SUSD3: variants seen among roughly 807,000 people sequenced by gnomAD.
SUSD3 encodes sushi domain-containing protein 3.
A neutral mutation model predicts 20.6 loss-of-function variants in SUSD3; 18 were observed. The ratio of observed to expected loss-of-function variants is 0.87; its 90% CI spans 0.60 to 1.30. The LOEUF is 1.30. Ranked by LOEUF, SUSD3 falls within the 50% of genes most tolerant of loss-of-function variation. The probability of loss-of-function intolerance (pLI) is 0.00; values close to 1 mark genes in which losing one functional copy is unlikely to be tolerated. For missense variants in SUSD3, 306 were observed against 346.9 expected, an observed-to-expected ratio of 0.88 and a Z score of 0.94; for synonymous variants, 137 against 141.5, an observed-to-expected ratio of 0.97 and a Z score of 0.23.
chr9:93,080,755 G>T (rs909014112), intron 4 of SUSD3, among the ~76,000 whole-genome samples: 1 of 152,244 alleles, frequency 6.6e-6, no homozygotes, highest in East Asian at 1.9e-4. Flanking sequence ...AGCGTGCAAG[G>T]CTGATCCTGC....
chr9:93,064,689 G>C (rs12378370), intron 1 of SUSD3, among the ~76,000 whole-genome samples: 10,537 of 152,302 alleles, frequency 0.069, 456 homozygotes, highest in South Asian at 0.11. Context: ...GGGCGGGCAG[G>C]GGGAGGAGCT....
At chr9:93,072,760 A>T (rs1564189826) in intron 1 of SUSD3, among the ~76,000 whole-genome samples, 2 of 152,236 alleles carry the variant, frequency 1.3e-5, no homozygotes, top group Middle Eastern at 3.2e-3. Context: ...TTTGGTAAAC[A>T]TTTTAAAATT....
chr9:93,069,857 G>T (rs544433556), intron 1 of SUSD3, among the ~76,000 whole-genome samples: 1 of 151,366 alleles, frequency 6.6e-6, no homozygotes, highest in Non-Finnish European at 1.5e-5. Flanking sequence ...TTGGCTCACT[G>T]CAACCTCTGC....
At chr9:93,079,408 T>G in intron 3 of SUSD3, 63 bp from the exon 4 acceptor site, 1 of 1,580,814 alleles carries the variant, frequency 6.3e-7, no homozygotes, top group Non-Finnish European at 8.6e-7. Context: ...ATGGAGCCTG[T>G]TTCCACCACC....
Position 93,073,163 on chromosome 9 carries a change from G to A in SUSD3, c.89-2621G>A, listed in dbSNP as rs548110492. Among the ~76,000 whole-genome samples the A allele has an allele frequency of 2.1e-4, 32 of 152,228 alleles. No homozygotes were observed. The East Asian group carries it at 6.2e-3, about 29-fold the overall frequency. ...AGGGAGACAGGCACAGAGATGCTCA[G>A]GTGGCCCTTCACCACTGCTGCCTCC... is the stretch of plus-strand genomic sequence containing the variant. On this transcript the variant is annotated intron_variant, in intron 1 of 4. Transcript: ENST00000375472.
intron 1 of SUSD3, among the ~76,000 whole-genome samples, chr9:93,072,242 T>TG (rs1825938603): frequency 6.6e-6 from 1 of 151,958 alleles, no homozygotes. Context: ...CCCAAAGCGG[T>TG]GGGGCATGTC....
chr9:93,082,544 C>T (rs1017421981), intron 4 of SUSD3, among the ~76,000 whole-genome samples: 1 of 152,126 alleles, frequency 6.6e-6, no homozygotes, highest in Non-Finnish European at 1.5e-5. Flanking sequence ...GTCTCGATCT[C>T]CTCACCTCGT....
chr9:93,075,884 C>T lies in SUSD3; in HGVS notation c.189C>T (p.Ser63=). ...VGTVLMFRCP[S]NHQMVGSGLL... is the part of the protein sequence containing the mutation. ...CCGTGCTCATGTTCCGCTGCCCCTC[C>T]AACCACCAGATGGTGGGGTCTGGGC... Residue 63 remains serine (S), a synonymous_variant, in exon 2 of 5, where the codon TCC becomes TCT. Transcript: ENST00000375472. The T allele has an allele frequency of 6.2e-7, 1 of 1,614,086 alleles. No homozygotes were observed. Among genetic ancestry groups the T allele is most frequent in the Non-Finnish European group, 8.5e-7 (1 of 1,179,988 alleles).
chr9:93,075,801 C>T lies in SUSD3; in HGVS notation c.106C>T (p.Arg36Trp), dbSNP rs370695832. Residue 36 changes from arginine (R) to tryptophan (W), a missense_variant, in exon 2 of 5, where the codon CGG (arginine) becomes TGG (tryptophan). By Grantham distance (101) the Arg-to-Trp change is moderately radical (BLOSUM62 -3). Transcript: ENST00000375472. The part of the protein sequence containing the change: ...GNRTGTCAKL[R>W]LPPQATFQVL... Reference sequence around the variant, plus strand: ...CTCCCCAGGCACGTGCGCTAAGCTGCGGCTACCCCCGCAAGCAACCTTCCA... The same window carrying T: ...CTCCCCAGGCACGTGCGCTAAGCTGTGGCTACCCCCGCAAGCAACCTTCCA... The T allele has an allele frequency of 1.0e-5, 15 of 1,506,424 alleles. No homozygotes were observed. Among genetic ancestry groups the T allele is most frequent in the Admixed American group, 1.8e-5 (1 of 55,606 alleles). The allele number at this position is 1,506,424 out of a possible 1,614,324, so 93.3% of individuals were successfully genotyped here. A position where few individuals can be genotyped will look rare whatever the true frequency, so the allele number is the denominator to read the frequency against.
rs1207578707 is a variant in SUSD3 at position 93,084,962 on chromosome 9, G to GT, written c.*216dup. 1.2e-5 allele frequency: 5 copies of GT among 433,860 alleles called. No individual in the cohort carries two copies. The highest frequency in any genetic ancestry group is 2.0e-5 in the African/African-American group (1 of 48,976). 26.9% of individuals were successfully genotyped at this position (433,860 alleles called of 1,614,324 possible). A position where few individuals can be genotyped will look rare whatever the true frequency, so the allele number is the denominator to read the frequency against. On this transcript the variant is annotated 3_prime_UTR_variant, in exon 5 of 5. Transcript: ENST00000375472. ...TGTTCTGTTCCGGCATATCCTGGCC[G>GT]TAACGATTTTTATAGTTATGGACTA...
chr9:93,082,310 CTTTTTTT>C (rs561486543), intron 4 of SUSD3, among the ~76,000 whole-genome samples: 5 of 87,228 alleles, frequency 5.7e-5, no homozygotes, highest in Non-Finnish European at 7.9e-5. Context: ...GGCCTCTTTC[CTTTTTTT>C]TTTTTTTTTT....
Position 93,077,970 on chromosome 9 carries a change from G to C in SUSD3, c.402G>C (p.Lys134Asn). 1.9e-6 allele frequency: 3 copies of C among 1,614,224 alleles called. No individual in the cohort carries two copies. Among genetic ancestry groups the C allele is most frequent in the Non-Finnish European group, 2.5e-6 (3 of 1,180,048 alleles). ...GCTGCCTCCTCAAGTGCGTGAAGAA[G>C]AGCAAGCGGCGGCGCTCCAACAGGT... ...LTCCLLKCVK[K>N]SKRRRSNRSA... The change falls in exon 3 of 5, where the codon AAG becomes AAC. Residue 134 changes from lysine (K) to asparagine (N), a missense_variant. Physicochemically the swap from Lys to Asn is moderately conservative, Grantham distance 94 (BLOSUM62 0). Coordinates refer to ENST00000375472, the MANE Select transcript of SUSD3 (RefSeq NM_145006.4).
chr9:93,066,176 C>A (rs1365263760), intron 1 of SUSD3, among the ~76,000 whole-genome samples: 1 of 152,194 alleles, frequency 6.6e-6, no homozygotes, highest in Non-Finnish European at 1.5e-5. Flanking sequence ...CCTCCTCAAT[C>A]TGAAGGGCTG....
At chr9:93,068,535 T>C (rs1448385581) in intron 1 of SUSD3, among the ~76,000 whole-genome samples, 1 of 152,238 alleles carries the variant, frequency 6.6e-6, no homozygotes, top group Non-Finnish European at 1.5e-5. Context: ...TTTATGTCTG[T>C]CCTCATGATA....
chr9:93,059,189 A>T (rs1825408603), intron 1 of SUSD3, among the ~76,000 whole-genome samples: 1 of 150,376 alleles, frequency 6.6e-6, no homozygotes, highest in African/African-American at 2.4e-5. Context: ...AACCGGCCTC[A>T]CCTGGCGGGC....
At chr9:93,059,452 C>T (rs1488642360) in intron 1 of SUSD3, among the ~76,000 whole-genome samples, 1 of 152,184 alleles carries the variant, frequency 6.6e-6, no homozygotes, top group Non-Finnish European at 1.5e-5. Flanking sequence ...TGTTTGAATT[C>T]AAGAATGTGC....
chr9:93,061,045 C>G (rs182868046), intron 1 of SUSD3, among the ~76,000 whole-genome samples: 7 of 152,316 alleles, frequency 4.6e-5, no homozygotes, highest in Non-Finnish European at 5.9e-5. Context: ...GAGACTAGCT[C>G]AGAGTAGGAG....
chr9:93,061,529 C>T (rs1357371048), intron 1 of SUSD3, among the ~76,000 whole-genome samples: 2 of 152,252 alleles, frequency 1.3e-5, no homozygotes, highest in Non-Finnish European at 2.9e-5. Flanking sequence ...CATCCTGAGG[C>T]CACCCTGCTG....
intron 2 of SUSD3, among the ~76,000 whole-genome samples, chr9:93,076,649 C>G (rs531389791): frequency 1.8e-4 from 28 of 152,336 alleles, no homozygotes; most frequent in African/African-American, 6.7e-4. Flanking sequence ...CTTCTCAGAG[C>G]CTTTAAAATG....
Sources: gnomAD v4.1 joint callset for allele counts (sites outside exome capture counted in the v4.1 genomes callset) on GRCh38, gnomAD v4.1.1 for gene constraint, MANE v1.5 for transcripts, NCBI Gene and HGNC (gene_info 2026-07-23, HGNC 2026-07-21) for gene names.